CNTN5: variants seen among roughly 807,000 people sequenced by gnomAD.
CNTN5 encodes contactin-5.
Under a neutral mutation model 129.1 loss-of-function variants are expected in CNTN5, and 77 were observed. The observed-to-expected ratio is 0.60, with a 90% CI of 0.50 to 0.72. CNTN5 has a LOEUF of 0.72. Among genes scored for constraint, CNTN5 ranks in the 30% least tolerant of loss-of-function variants. The pLI is 0.00. For missense variants in CNTN5, 1,478 were observed against 1,328.8 expected, an observed-to-expected ratio of 1.11 and a Z score of -1.75; for synonymous variants, 509 against 465.6, an observed-to-expected ratio of 1.09 and a Z score of -1.20.
chr11:100,259,552 G>A lies in CNTN5; in HGVS notation c.2164+3634G>A, dbSNP rs373334750. On this transcript the variant is annotated intron_variant, in intron 17 of 24. Transcript: ENST00000524871. ...CTGACCACATAATTGGAAGTAAAAC[G>A]CTCCTCAACAAATGCAAAATAATGG... Among the ~76,000 whole-genome samples, 30 of 151,836 alleles carry A rather than the reference G, an allele frequency of 2.0e-4. No individual in the cohort carries two copies. The South Asian group carries it at 4.8e-3, about 24-fold the overall frequency.
At chr11:99,134,572 T>C in intron 1 of CNTN5, among the ~76,000 whole-genome samples, 1 of 152,202 alleles carries the variant, frequency 6.6e-6, no homozygotes, top group East Asian at 1.9e-4. Flanking sequence ...TGGGAGGAAA[T>C]TTGGCACTGT....
At chr11:99,368,402 A>C (rs1939595338) in intron 2 of CNTN5, among the ~76,000 whole-genome samples, 1 of 151,808 alleles carries the variant, frequency 6.6e-6, no homozygotes, top group Non-Finnish European at 1.5e-5. Flanking sequence ...AGCACTTTGA[A>C]AGGCTGAGGC....
intron 15 of CNTN5, among the ~76,000 whole-genome samples, chr11:100,216,044 A>T (rs1033771618): frequency 1.3e-5 from 2 of 152,170 alleles, no homozygotes; most frequent in Admixed American, 1.3e-4. Context: ...ATTCCATGCT[A>T]ATTCTTAGAG....
chr11:100,306,286 T>A (rs1421863017), intron 20 of CNTN5, among the ~76,000 whole-genome samples: 1 of 151,694 alleles, frequency 6.6e-6, no homozygotes, highest in Non-Finnish European at 1.5e-5. Flanking sequence ...AACATTTTTT[T>A]AAACTTTCTA....
chr11:99,126,604 G>GAA (rs1858646888), intron 1 of CNTN5, among the ~76,000 whole-genome samples: 1 of 152,118 alleles, frequency 6.6e-6, no homozygotes, highest in African/African-American at 2.4e-5. Context: ...TGGGGTTGGG[G>GAA]AAAAAGTCCT....
At chr11:99,344,886 A>G (rs911493081) in intron 2 of CNTN5, among the ~76,000 whole-genome samples, 2 of 152,196 alleles carry the variant, frequency 1.3e-5, no homozygotes, top group Admixed American at 6.5e-5. Context: ...CTCCAAGACC[A>G]TAGTATATTT....
chr11:99,422,785 G>A (rs578009471), intron 2 of CNTN5, among the ~76,000 whole-genome samples: 2 of 152,000 alleles, frequency 1.3e-5, no homozygotes, highest in African/African-American at 4.8e-5. Flanking sequence ...TGTTTGGAAT[G>A]TTCAAAGAAC....
At chr11:100,337,647 A>C in intron 21 of CNTN5, 1 of 671,964 alleles carries the variant, frequency 1.5e-6, no homozygotes, top group South Asian at 1.4e-5. Flanking sequence ...TGGGTACCTG[A>C]GATTTTTTAC....
intron 1 of CNTN5, among the ~76,000 whole-genome samples, chr11:99,289,508 C>T (rs917656889): frequency 6.6e-6 from 1 of 151,692 alleles, no homozygotes; most frequent in Non-Finnish European, 1.5e-5. Context: ...GGCACCAATA[C>T]ACTCAACTAA....
chr11:100,189,660 T>G (rs1948411575), intron 13 of CNTN5, among the ~76,000 whole-genome samples: 1 of 152,136 alleles, frequency 6.6e-6, no homozygotes, highest in South Asian at 2.1e-4. Context: ...ATAGGTATCT[T>G]TGGGGTTGAA....
intron 2 of CNTN5, among the ~76,000 whole-genome samples, chr11:99,464,491 G>A (rs1457127786): frequency 6.6e-6 from 1 of 152,118 alleles, no homozygotes; most frequent in African/African-American, 2.4e-5. Context: ...TATAGGTGAT[G>A]AGTATAAAAA....
rs1387895694 is a variant in CNTN5 at position 100,057,683 on chromosome 11, C to T, written c.981-3529C>T. On this transcript the variant is annotated intron_variant, in intron 9 of 24. Coordinates refer to ENST00000524871, the MANE Select transcript of CNTN5 (RefSeq NM_014361.4). ...ATTTAGAGAACTTAGGCAAATTTCC[C>T]GAGGTCACCATAGCATCTTTGTGCC... 5.8e-5 allele frequency among the ~76,000 whole-genome samples: 6 copies of T among 102,768 alleles called. No homozygotes were observed. In the South Asian group the frequency reaches 1.4e-3, roughly 25 times the overall value. 67.4% of individuals were successfully genotyped at this position (102,768 alleles called of 152,430 possible).
rs539991397 is a variant in CNTN5, at chr11:99,592,530, C to A, written c.55+36261C>A. Among the ~76,000 whole-genome samples the A allele has an allele frequency of 1.1e-4, 16 of 152,010 alleles. No individual in the cohort carries two copies. In the South Asian group the frequency reaches 2.9e-3, roughly 28 times the overall value. On this transcript the variant is annotated intron_variant, in intron 3 of 24. Coordinates refer to ENST00000524871, the MANE Select transcript of CNTN5 (RefSeq NM_014361.4). The stretch of plus-strand genomic sequence containing the variant: ...TTGAGTATGATAACATGGGAAGACG[C>A]CAAGCTGGAGTTGGGGAAGTGAAAC...
chr11:99,154,941 C>T (rs537580184), intron 1 of CNTN5, among the ~76,000 whole-genome samples: 1 of 152,196 alleles, frequency 6.6e-6, no homozygotes, highest in Non-Finnish European at 1.5e-5. Flanking sequence ...TGCTCCACTA[C>T]AGACGGTCCT....
At chr11:100,001,005 G>A (rs1356133034) in intron 8 of CNTN5, among the ~76,000 whole-genome samples, 1 of 152,188 alleles carries the variant, frequency 6.6e-6, no homozygotes, top group Non-Finnish European at 1.5e-5. Context: ...TTCCCTCCTA[G>A]GCGTCCAGGC....
intron 1 of CNTN5, among the ~76,000 whole-genome samples, chr11:99,025,029 G>T (rs770420339): frequency 1.3e-5 from 2 of 151,778 alleles, no homozygotes; most frequent in Non-Finnish European, 2.9e-5. Flanking sequence ...AACTCATAAT[G>T]ATCTAAATAA....
At chr11:99,416,522 A>G (rs1174063143) in intron 2 of CNTN5, among the ~76,000 whole-genome samples, 2 of 152,098 alleles carry the variant, frequency 1.3e-5, no homozygotes, top group African/African-American at 4.8e-5. Context: ...CCTGGCTTCA[A>G]GCAAACCTCC....
chr11:99,401,621 G>A lies in CNTN5; in HGVS notation c.-71+76137G>A, dbSNP rs377168322. Among the ~76,000 whole-genome samples the A allele has an allele frequency of 1.4e-4, 21 of 152,208 alleles. No homozygotes were observed. The East Asian group carries it at 2.7e-3, about 20-fold the overall frequency. ...ATTTCAAAATATTTCTGTGAATAATGTCATGGGTGTTTTGGTAGGTACTGC... is the reference window on the plus strand; with the variant it reads ...ATTTCAAAATATTTCTGTGAATAATATCATGGGTGTTTTGGTAGGTACTGC... On this transcript the variant is annotated intron_variant, in intron 2 of 24. Coordinates refer to ENST00000524871, the MANE Select transcript of CNTN5 (RefSeq NM_014361.4).
intron 3 of CNTN5, among the ~76,000 whole-genome samples, chr11:99,679,309 T>C (rs1953449379): frequency 6.6e-6 from 1 of 151,786 alleles, no homozygotes; most frequent in Non-Finnish European, 1.5e-5. Context: ...TGCTTTATTA[T>C]ACTGTGGAGA....
Sources: gnomAD v4.1 joint callset for allele counts (sites outside exome capture counted in the v4.1 genomes callset) on GRCh38, gnomAD v4.1.1 for gene constraint, MANE v1.5 for transcripts, NCBI Gene and HGNC (gene_info 2026-07-23, HGNC 2026-07-21) for gene names.